Variants in C14orf39 observed in about 807,000 individuals in gnomAD.
C14orf39 encodes the protein chromosome 14 open reading frame 39.
C14orf39 carries 66 observed loss-of-function variants against 85.6 expected under a neutral mutation model. That is an observed-to-expected ratio of 0.77 (90% confidence interval 0.63 to 0.95). The LOEUF (loss-of-function observed/expected upper bound fraction) is 0.95. Ranked by LOEUF, C14orf39 falls within the 40% of genes least tolerant of loss-of-function variation. C14orf39 has a pLI of 0.00. For missense variants in C14orf39, 735 were observed against 663.9 expected (o/e 1.11, Z -1.18); for synonymous variants, 242 against 214.0 (o/e 1.13, Z -1.14).
chr14:60,460,456 A>G (rs909098470), intron 13 of C14orf39, among the ~76,000 whole-genome samples: 6 of 151,942 alleles, frequency 3.9e-5, no homozygotes, highest in East Asian at 1.9e-4. Context: ...GTATATTAAC[A>G]TTCTAAATAT....
At chr14:60,472,140 T>C (rs1892116627) in intron 5 of C14orf39, among the ~76,000 whole-genome samples, 1 of 152,094 alleles carries the variant, frequency 6.6e-6, no homozygotes, top group South Asian at 2.1e-4. Context: ...TCTGAGTCTC[T>C]ACTCTCCCAA....
chr14:60,507,250 TC>T (rs939408823), intron 1 of C14orf39, among the ~76,000 whole-genome samples: 3 of 152,038 alleles, frequency 2.0e-5, no homozygotes, highest in African/African-American at 7.2e-5. Flanking sequence ...GGCCAGAAGC[TC>T]CGGGATCGCA....
rs1156672686 is a variant in C14orf39 at position 60,485,028 on chromosome 14, A to G, written c.49+2T>C. 4 of 1,609,294 alleles carry G rather than the reference A, an allele frequency of 2.5e-6. No individual in the cohort carries two copies. Among genetic ancestry groups the G allele is most frequent in the Non-Finnish European group, 3.4e-6 (4 of 1,179,044 alleles). On this transcript the variant is annotated splice_donor_variant, in intron 2 of 17. Transcript: ENST00000321731. LOFTEE classifies it high-confidence loss of function. The stretch of plus-strand genomic sequence containing the variant: ...CTACCTATTTTTTCACTTTATACCT[A>G]CCAAATTCTAGCAAAAGTCTGTCCA...
At chr14:60,513,189 C>T (rs567001207) in intron 1 of C14orf39, among the ~76,000 whole-genome samples, 1 of 152,310 alleles carries the variant, frequency 6.6e-6, no homozygotes, top group Middle Eastern at 3.4e-3. Context: ...CTCTCTTGCA[C>T]AAGAGCTTTA....
chr14:60,475,657 G>A (rs1318914746), intron 5 of C14orf39, among the ~76,000 whole-genome samples: 4 of 152,028 alleles, frequency 2.6e-5, no homozygotes, highest in Admixed American at 2.0e-4. Context: ...GAGTAGTCAT[G>A]GCAGATGTTG....
At position 60,491,567 on chromosome 14, in the gene C14orf39, C is replaced by T. The variant is rs1337520691; in HGVS notation, c.-8-6481G>A. ...ATTTGTGCATACCAGAAACCTAGAC[C>T]GTGACAACCTTCCTCTCCTATCATC... On this transcript the variant is annotated intron_variant, in intron 2 of 5. Coordinates refer to the C14orf39 transcript ENST00000556799. This position sits in a 1 kb window ranked among gnomAD's most constrained non-coding sequence, Gnocchi z 4.5. 1.3e-5 allele frequency among the ~76,000 whole-genome samples: 2 copies of T among 152,120 alleles called. No individual in the cohort carries two copies. The highest frequency in any genetic ancestry group is 1.9e-4 in the East Asian group (1 of 5,188).
rs1891505235 is a variant in C14orf39, at chr14:60,461,129, A to G, written c.1117+225T>C. 2.6e-5 allele frequency among the ~76,000 whole-genome samples: 4 copies of G among 152,008 alleles called. 1 individual carries two copies. The South Asian group carries it at 8.3e-4, about 31-fold the overall frequency. On this transcript the variant is annotated intron_variant, in intron 13 of 17. Transcript: ENST00000321731. ...GCACCAGTATTTATGATGTTCAGTT[A>G]TGTCTGAGTAGTGATATTTTTGTTT...
intron 16 of C14orf39, among the ~76,000 whole-genome samples, chr14:60,448,612 AGATAGTGTGGCAAT>A (rs1294686135): frequency 6.6e-6 from 1 of 152,206 alleles, no homozygotes; most frequent in Non-Finnish European, 1.5e-5. Flanking sequence ...CCATTATGGA[AGATAGTGTGGCAAT>A]TCCTCAAGGA....
In C14orf39 at chr14:60,471,721, A is replaced by G; in HGVS notation, c.342T>C (p.Tyr114=). The G allele has an allele frequency of 2.6e-6, 4 of 1,523,472 alleles. No individual in the cohort carries two copies. The highest frequency in any genetic ancestry group is 3.6e-6 in the Non-Finnish European group (4 of 1,117,728). The allele number at this position is 1,523,472 out of a possible 1,614,324, so 94.4% of individuals were successfully genotyped here. A position where few individuals can be genotyped will look rare whatever the true frequency, so the allele number is the denominator to read the frequency against. ...VEKDKEMYHD[Y]ICQYKEVLKQ... is the part of the protein sequence containing the mutation. Reference sequence around the variant, plus strand: ...TCAAAACTTCTTTATACTGACATATATAATCATGATACATTTCTCTGTTAA... The same window carrying G: ...TCAAAACTTCTTTATACTGACATATGTAATCATGATACATTTCTCTGTTAA... The change falls in exon 6 of 18, where the codon TAT becomes TAC. Residue 114 remains tyrosine, a synonymous_variant. Transcript: ENST00000321731.
intron 3 of C14orf39, among the ~76,000 whole-genome samples, 167 bp from the exon 4 acceptor site, chr14:60,483,984 C>T (rs1014639729): frequency 6.6e-6 from 1 of 152,112 alleles, no homozygotes; most frequent in Non-Finnish European, 1.5e-5. Flanking sequence ...ATGCAGAGAA[C>T]CAGGGCCAGG....
At chr14:60,493,274 G>GT (rs1423991047) in intron 2 of C14orf39, among the ~76,000 whole-genome samples, 1 of 152,102 alleles carries the variant, frequency 6.6e-6, no homozygotes, top group Admixed American at 6.5e-5. Flanking sequence ...GTATTTTGGA[G>GT]TTTTTTTTAA....
chr14:60,466,946 T>C lies in C14orf39; in HGVS notation c.866A>G (p.Lys289Arg). The change falls in exon 10 of 18, where the codon AAG (lysine) becomes AGG (arginine). Residue 289 changes from lysine to arginine, a missense_variant. By Grantham distance (26) the Lys-to-Arg change is conservative. Coordinates refer to ENST00000321731, the MANE Select transcript of C14orf39 (RefSeq NM_174978.3). ...YESQKLVRPIKMHSSEPRVAD... is the reference protein window; with the variant it reads ...YESQKLVRPIRMHSSEPRVAD... Reference sequence around the variant, plus strand: ...AACTCTTGGTTCTGAAGAATGCATCTTTATTGGTCTTACTAATTTCTGAGA... The same window carrying C: ...AACTCTTGGTTCTGAAGAATGCATCCTTATTGGTCTTACTAATTTCTGAGA... The C allele has an allele frequency of 6.8e-7, 1 of 1,476,266 alleles. No homozygotes were observed. Among genetic ancestry groups the C allele is most frequent in the African/African-American group, 1.5e-5 (1 of 68,382 alleles). 91.4% of individuals were successfully genotyped at this position (1,476,266 alleles called of 1,614,324 possible). A position where few individuals can be genotyped will look rare whatever the true frequency, so the allele number is the denominator to read the frequency against.
chr14:60,494,058 T>A (rs926210277), intron 2 of C14orf39: 1 of 271,692 alleles, frequency 3.7e-6, no homozygotes, highest in Non-Finnish European at 7.6e-6. Context: ...CACGGAGATT[T>A]CATTGTTCTT....
chr14:60,457,081 T>C lies in C14orf39; in HGVS notation c.1194A>G (p.Glu398=), dbSNP rs754016891. 1.1e-5 allele frequency: 18 copies of C among 1,595,892 alleles called. No individual in the cohort carries two copies. Among genetic ancestry groups the C allele is most frequent in the Non-Finnish European group, 1.5e-5 (18 of 1,171,738 alleles). The part of the protein sequence containing the change: ...SKCTSQAIYT[E]HFGKSVENDS... ...CATTTTCTACTGACTTCCCAAAATG[T>C]TCAGTATATATAGCCTGCAAATTCA... is the stretch of plus-strand genomic sequence containing the variant. Residue 398 remains glutamate (E), a synonymous_variant, in exon 15 of 18, where the codon GAA becomes GAG. Coordinates refer to ENST00000321731, the MANE Select transcript of C14orf39 (RefSeq NM_174978.3).
In C14orf39 at chr14:60,484,216, T is replaced by C. The variant is rs2140163850; in HGVS notation, c.107-399A>G. Among the ~76,000 whole-genome samples the C allele has an allele frequency of 6.6e-6, 1 of 152,310 alleles. No homozygotes were observed. Among genetic ancestry groups the C allele is most frequent in the South Asian group, 2.1e-4 (1 of 4,828 alleles). ...ATGTGAAATTTCTATTCATCAATTC[T>C]ATGTCAATTATTAAACGCACTTTCA... On this transcript the variant is annotated intron_variant, in intron 3 of 17. Coordinates refer to ENST00000321731, the MANE Select transcript of C14orf39 (RefSeq NM_174978.3). This position sits in a 1 kb window ranked among gnomAD's most constrained non-coding sequence, Gnocchi z 4.2.
intron 1 of C14orf39, chr14:60,512,674 A>C (rs2140191017): frequency 6.6e-6 from 1 of 152,342 alleles, no homozygotes; most frequent in South Asian, 2.1e-4. Context: ...TATTTTTAGC[A>C]TTTAATTTTT....
intron 9 of C14orf39, among the ~76,000 whole-genome samples, chr14:60,467,637 C>A (rs1219763098): frequency 6.6e-6 from 1 of 151,686 alleles, no homozygotes; most frequent in Non-Finnish European, 1.5e-5. Flanking sequence ...AAGTAAAATT[C>A]TGTCTATTTA....
intron 16 of C14orf39, among the ~76,000 whole-genome samples, chr14:60,443,825 A>G (rs1890635542): frequency 6.6e-6 from 1 of 152,206 alleles, no homozygotes; most frequent in Non-Finnish European, 1.5e-5. Context: ...AAGATTCCAG[A>G]AGAAGGATCA....
intron 1 of C14orf39, among the ~76,000 whole-genome samples, chr14:60,500,535 A>G (rs1490904638): frequency 2.0e-5 from 3 of 152,248 alleles, no homozygotes; most frequent in Non-Finnish European, 4.4e-5. Flanking sequence ...GAATTTAAAC[A>G]TCAATAGGGA....
Sources: gnomAD v4.1 joint callset for allele counts (sites outside exome capture counted in the v4.1 genomes callset) on GRCh38, gnomAD v4.1.1 for gene constraint, Gnocchi (gnomAD v3.1) non-coding constraint, MANE v1.5 for transcripts, NCBI Gene and HGNC (gene_info 2026-07-23, HGNC 2026-07-21) for gene names.